The following ATP8A2 variants were observed in gnomAD, a reference collection of about 807,000 sequenced individuals.
ATP8A2 encodes ATPase phospholipid transporting 8A2, also known as phospholipid-transporting ATPase IB.
In ATP8A2, 100 loss-of-function variants were observed where a neutral mutation model predicts 165.6. The observed-to-expected ratio is 0.60, with a 90% CI of 0.51 to 0.71. The LOEUF is 0.71. ATP8A2 is among the 30% of genes least tolerant of loss of function. The pLI is 0.00. For synonymous variants in ATP8A2, 543 were observed against 548.8 expected (o/e 0.99, Z 0.15); for missense variants, 1,227 against 1,479.5 (o/e 0.83, Z 2.80).
intron 2 of ATP8A2, among the ~76,000 whole-genome samples, chr13:25,477,976 T>G (rs373741730): frequency 1.3e-5 from 2 of 152,262 alleles, no homozygotes; most frequent in East Asian, 3.9e-4. Flanking sequence ...AAACAAATCT[T>G]AAAATCAACT....
intron 1 of ATP8A2, among the ~76,000 whole-genome samples, chr13:25,456,520 A>T (rs987604201): frequency 6.6e-6 from 1 of 152,192 alleles, no homozygotes; most frequent in African/African-American, 2.4e-5. Context: ...TGCATAGAGG[A>T]GGGGGGATCT....
intron 33 of ATP8A2, among the ~76,000 whole-genome samples, chr13:25,892,490 C>G (rs551505634): frequency 1.3e-4 from 19 of 151,366 alleles, no homozygotes; most frequent in Non-Finnish European, 2.6e-4. Flanking sequence ...CTCTCTCTCT[C>G]TCTCTCTCTC....
At chr13:25,895,197 G>C (rs1593520036) in intron 33 of ATP8A2, among the ~76,000 whole-genome samples, 1 of 152,260 alleles carries the variant, frequency 6.6e-6, no homozygotes, top group African/African-American at 2.4e-5. Context: ...TTATTATTTT[G>C]AGATATGTCC....
intron 27 of ATP8A2, among the ~76,000 whole-genome samples, chr13:25,801,459 C>T (rs2138457428): frequency 6.6e-6 from 1 of 152,276 alleles, no homozygotes; most frequent in East Asian, 1.9e-4. Context: ...TGAGCCAGTG[C>T]TGCTCTTACA....
rs547868789 is a variant in ATP8A2 at position 25,516,722 on chromosome 13, T to C, written c.222-13277T>C. On this transcript the variant is annotated intron_variant, in intron 2 of 36. Coordinates refer to ENST00000381655, the MANE Select transcript of ATP8A2 (RefSeq NM_016529.6). Reference sequence around the variant, plus strand: ...AAATTAAATAAATCTCATAACTCTTTTTTTTTTGTTTTTATACCATGAAGT... The same window carrying C: ...AAATTAAATAAATCTCATAACTCTTCTTTTTTTGTTTTTATACCATGAAGT... Among the ~76,000 whole-genome samples the C allele has an allele frequency of 6.3e-4, 96 of 152,152 alleles. 1 individual carries two copies. The highest frequency in any genetic ancestry group is 1.2e-3 in the Non-Finnish European group (84 of 68,006).
chr13:25,771,261 C>T (rs931868603), intron 26 of ATP8A2, among the ~76,000 whole-genome samples: 24 of 152,310 alleles, frequency 1.6e-4, no homozygotes, highest in East Asian at 5.8e-4. Context: ...CAGAAAACAA[C>T]GGACCTGAGT....
chr13:25,457,375 T>A (rs1342382586), intron 1 of ATP8A2, among the ~76,000 whole-genome samples: 1 of 152,220 alleles, frequency 6.6e-6, no homozygotes, highest in African/African-American at 2.4e-5. Context: ...GATAGATGAT[T>A]TATGTAGGTA....
chr13:25,595,006 A>ATATG (rs1217343613), intron 24 of ATP8A2, among the ~76,000 whole-genome samples: 1 of 140,446 alleles, frequency 7.1e-6, no homozygotes, highest in Non-Finnish European at 1.6e-5. Flanking sequence ...ATATATATAT[A>ATATG]TGTATGTATG....
At chr13:25,418,824 T>C (rs1299800889) in intron 1 of ATP8A2, among the ~76,000 whole-genome samples, 1 of 152,214 alleles carries the variant, frequency 6.6e-6, no homozygotes, top group Non-Finnish European at 1.5e-5. Context: ...AGCACCAATT[T>C]TCCTTGCCTT....
intron 35 of ATP8A2, among the ~76,000 whole-genome samples, chr13:26,011,179 C>T (rs930459524): frequency 6.6e-6 from 1 of 152,180 alleles, no homozygotes; most frequent in African/African-American, 2.4e-5. Flanking sequence ...CAATAAAGTG[C>T]CATAGGCTGT....
At chr13:25,427,863 C>A (rs758647076) in intron 1 of ATP8A2, among the ~76,000 whole-genome samples, 17 of 151,740 alleles carry the variant, frequency 1.1e-4, no homozygotes, top group African/African-American at 1.5e-4. Flanking sequence ...CACTGCACTC[C>A]AGCCTGGTGA....
chr13:25,581,385 A>C (rs2039773139), intron 22 of ATP8A2, among the ~76,000 whole-genome samples: 1 of 152,140 alleles, frequency 6.6e-6, no homozygotes, highest in Non-Finnish European at 1.5e-5. Flanking sequence ...CTCACTGTTA[A>C]ATCCTTAGCA....
chr13:25,829,719 T>TATA (rs1555273748), intron 28 of ATP8A2, among the ~76,000 whole-genome samples: 14 of 109,850 alleles, frequency 1.3e-4, no homozygotes, highest in Non-Finnish European at 2.3e-4. Flanking sequence ...TATATATATA[T>TATA]ATCACCTGCT....
At chr13:25,387,092 A>G (rs1464172372) in intron 1 of ATP8A2, among the ~76,000 whole-genome samples, 2 of 152,234 alleles carry the variant, frequency 1.3e-5, no homozygotes, top group Non-Finnish European at 2.9e-5. Flanking sequence ...AGCCTTGTTA[A>G]TATAGAGAAC....
At chr13:25,933,984 T>A (rs924159973) in intron 33 of ATP8A2, among the ~76,000 whole-genome samples, 3 of 152,184 alleles carry the variant, frequency 2.0e-5, no homozygotes, top group Admixed American at 2.0e-4. Context: ...GTGAGTACCA[T>A]GCAGGCCCCT....
In ATP8A2 at chr13:25,603,493, T is replaced by A. The variant is rs111390950; in HGVS notation, c.2211+13794T>A. ...CTCAAAAAAAAAAAAAAAAAAATTT[T>A]AAAAAGAGTATCTGGCTGCTGGAGT... On this transcript the variant is annotated intron_variant, in intron 24 of 36. Coordinates refer to ENST00000381655, the MANE Select transcript of ATP8A2 (RefSeq NM_016529.6). Among the ~76,000 whole-genome samples, 177 of 147,444 alleles carry A rather than the reference T, an allele frequency of 1.2e-3. 3 individuals carry two copies. The highest frequency in any genetic ancestry group is 4.1e-3 in the African/African-American group (164 of 39,660).
In ATP8A2 at chr13:25,372,393, C is replaced by G; in HGVS notation, c.76+105C>G. 2 of 723,464 alleles carry G rather than the reference C, an allele frequency of 2.8e-6. No individual in the cohort carries two copies. The highest frequency in any genetic ancestry group is 3.9e-6 in the Non-Finnish European group (2 of 517,148). 44.8% of individuals were successfully genotyped at this position (723,464 alleles called of 1,614,324 possible). On this transcript the variant is annotated intron_variant, in intron 1 of 36. Transcript: ENST00000381655. The surrounding 1 kb of genome is among the most constrained non-coding windows in gnomAD (Gnocchi z 4.8). ...TGCCCCGCCCGCGCCCCGCTCCCCT[C>G]CCTGGGCTCCCTGGGCTCTCTGGGC... is the stretch of plus-strand genomic sequence containing the variant.
intron 1 of ATP8A2, among the ~76,000 whole-genome samples, chr13:25,431,701 C>G (rs116292907): frequency 6.6e-6 from 1 of 152,078 alleles, no homozygotes; most frequent in African/African-American, 2.4e-5. Context: ...TTAAAGCTTA[C>G]CTCTTGATTA....
intron 23 of ATP8A2, 72 bp from the exon 24 acceptor site, chr13:25,589,563 C>G: frequency 8.6e-7 from 1 of 1,157,202 alleles, no homozygotes; most frequent in Non-Finnish European, 1.3e-6. Flanking sequence ...GCAGATATAA[C>G]CAAGGAGGTT....
Sources: allele counts gnomAD v4.1 joint callset (sites outside exome capture counted in the v4.1 genomes callset), GRCh38; gene constraint gnomAD v4.1.1; non-coding constraint Gnocchi (gnomAD v3.1); transcripts MANE v1.5; gene names NCBI Gene and HGNC (gene_info 2026-07-23, HGNC 2026-07-21).